IGSF21: variants seen among roughly 807,000 people sequenced by gnomAD.
The protein encoded by IGSF21 is immunoglobin superfamily member 21.
IGSF21 carries 28 observed loss-of-function variants against 46.8 expected under a neutral mutation model. That is an observed-to-expected ratio of 0.60 (90% CI 0.44 to 0.82). The LOEUF (loss-of-function observed/expected upper bound fraction) is 0.82, where lower values mean the gene tolerates loss of function less well. Ranked by LOEUF, IGSF21 falls within the 40% of genes least tolerant of loss-of-function variation. IGSF21 has a pLI of 0.00. For synonymous variants in IGSF21, 284 were observed against 273.6 expected (o/e 1.04, Z -0.38); for missense variants, 624 against 665.5 (o/e 0.94, Z 0.69).
chr1:18,312,308 T>C (rs2085496094), intron 3 of IGSF21, among the ~76,000 whole-genome samples: 1 of 152,196 alleles, frequency 6.6e-6, no homozygotes, highest in Non-Finnish European at 1.5e-5. Flanking sequence ...GTCAGGAGAT[T>C]CACTGAGATA....
chr1:18,154,039 G>A (rs918974901), intron 1 of IGSF21, among the ~76,000 whole-genome samples: 6 of 152,162 alleles, frequency 3.9e-5, no homozygotes, highest in Non-Finnish European at 8.8e-5. Flanking sequence ...GCATCCGTGG[G>A]ATCCACAGAC....
At position 18,292,729 on chromosome 1, in the gene IGSF21, C is replaced by T. The variant is rs543174949; in HGVS notation, c.305+742C>T. Among the ~76,000 whole-genome samples the T allele has an allele frequency of 3.1e-4, 47 of 152,268 alleles. 1 individual carries two copies. The highest frequency in any genetic ancestry group is 1.1e-3 in the African/African-American group (46 of 41,558). On this transcript the variant is annotated intron_variant, in intron 3 of 9. Transcript: ENST00000251296. The stretch of plus-strand genomic sequence containing the variant: ...CTCCCTTCGGTCATCTGGTAAACTC[C>T]TCATCAGCCTTCAGAACCCCACTCC...
chr1:18,311,116 C>T (rs1234304961), intron 3 of IGSF21, among the ~76,000 whole-genome samples: 3 of 152,156 alleles, frequency 2.0e-5, no homozygotes, highest in African/African-American at 4.8e-5. Flanking sequence ...CCTACAACAC[C>T]GCCTAACAGT....
At chr1:18,308,505 A>G (rs978867846) in intron 3 of IGSF21, among the ~76,000 whole-genome samples, 5 of 152,160 alleles carry the variant, frequency 3.3e-5, no homozygotes, top group Non-Finnish European at 5.9e-5. Context: ...AATATCTTAC[A>G]TGGATTCTCT....
chr1:18,166,357 G>A (rs1483474357), intron 1 of IGSF21, among the ~76,000 whole-genome samples: 2 of 152,164 alleles, frequency 1.3e-5, no homozygotes, highest in Non-Finnish European at 1.5e-5. Context: ...TTCAGAGACA[G>A]CTTGATCCAG....
intron 2 of IGSF21, among the ~76,000 whole-genome samples, chr1:18,281,351 G>A (rs1367722452): frequency 1.3e-5 from 2 of 152,002 alleles, no homozygotes; most frequent in Admixed American, 1.3e-4. Flanking sequence ...CCTGAGGTCA[G>A]GAGTTCGAGA....
chr1:18,217,890 G>C (rs902525361), intron 1 of IGSF21, among the ~76,000 whole-genome samples: 1 of 152,200 alleles, frequency 6.6e-6, no homozygotes, highest in Admixed American at 6.5e-5. Context: ...CTATCCGACA[G>C]GGTTGCAATG....
chr1:18,183,429 A>G (rs970455901), intron 1 of IGSF21, among the ~76,000 whole-genome samples: 4 of 152,220 alleles, frequency 2.6e-5, no homozygotes, highest in Non-Finnish European at 5.9e-5. Flanking sequence ...GATAGGATAT[A>G]TGGCAGCTGA....
chr1:18,339,341 G>C (rs114391696), intron 4 of IGSF21, among the ~76,000 whole-genome samples: 1,635 of 152,280 alleles, frequency 0.011, 21 homozygotes, highest in African/African-American at 0.037. Flanking sequence ...TTGACCCAAA[G>C]GCCATGAGTC....
At position 18,271,657 on chromosome 1, in the gene IGSF21, G is replaced by T. The variant is rs188517795; in HGVS notation, c.184-20209G>T. Among the ~76,000 whole-genome samples the T allele has an allele frequency of 1.9e-3, 283 of 152,296 alleles. 1 individual carries two copies. The highest frequency in any genetic ancestry group is 6.4e-3 in the African/African-American group (264 of 41,560). The stretch of plus-strand genomic sequence containing the variant: ...CCCAGGGAGGCAGGAAAGATCAACC[G>T]GGAGCATCAGTGGCTGGTCCTGTCT... On this transcript the variant is annotated intron_variant, in intron 2 of 9. Coordinates refer to ENST00000251296, the MANE Select transcript of IGSF21 (RefSeq NM_032880.5).
intron 2 of IGSF21, among the ~76,000 whole-genome samples, chr1:18,232,389 T>C (rs989976077): frequency 3.3e-5 from 5 of 152,218 alleles, no homozygotes; most frequent in Admixed American, 6.5e-5. Flanking sequence ...TATTTATTAA[T>C]GCTGCTTATA....
intron 2 of IGSF21, among the ~76,000 whole-genome samples, chr1:18,259,138 C>T (rs1385901988): frequency 6.6e-6 from 1 of 152,154 alleles, no homozygotes; most frequent in Non-Finnish European, 1.5e-5. Context: ...GGGCACCTGC[C>T]ACATCCCCTC....
intron 7 of IGSF21, among the ~76,000 whole-genome samples, 173 bp from the exon 8 acceptor site, chr1:18,376,627 C>A (rs555439873): frequency 6.6e-6 from 1 of 152,192 alleles, no homozygotes; most frequent in Non-Finnish European, 1.5e-5. Flanking sequence ...AGCTCTTCAA[C>A]GAGACATTCT....
intron 2 of IGSF21, among the ~76,000 whole-genome samples, 166 bp downstream of exon 2, chr1:18,228,176 G>T (rs3738088): frequency 0.02 from 3,019 of 152,120 alleles, 72 homozygotes; most frequent in East Asian, 0.13. Context: ...CACCCTCCTT[G>T]GGTACTAGCC....
chr1:18,290,886 C>T lies in IGSF21; in HGVS notation c.184-980C>T, dbSNP rs1230404989. Among the ~76,000 whole-genome samples, 1 of 152,060 alleles carries T rather than the reference C, an allele frequency of 6.6e-6. No individual in the cohort carries two copies. Among genetic ancestry groups the T allele is most frequent in the Non-Finnish European group, 1.5e-5 (1 of 68,010 alleles). ...ACACAGAGCCGCAGGGAGCTAATTC[C>T]ACTTCTCTAGGCCCAGGCATGAGGC... On this transcript the variant is annotated intron_variant, in intron 2 of 9. Transcript: ENST00000251296. This position sits in a 1 kb window ranked among gnomAD's most constrained non-coding sequence, Gnocchi z 4.2.
At position 18,147,202 on chromosome 1, in the gene IGSF21, G is replaced by A. The variant is rs141552223; in HGVS notation, c.70+39004G>A. ...ATTAAAATGTAAATCAGATCCAGTC[G>A]CTTCCGGGCTTGAACCCCTCCAAGG... On this transcript the variant is annotated intron_variant, in intron 1 of 9. Coordinates refer to ENST00000251296, the MANE Select transcript of IGSF21 (RefSeq NM_032880.5). Among the ~76,000 whole-genome samples the A allele has an allele frequency of 4.3e-3, 662 of 152,188 alleles. 4 individuals carry two copies. Among genetic ancestry groups the A allele is most frequent in the African/African-American group, 0.014 (573 of 41,512 alleles).
chr1:18,129,067 G>A (rs370081164), intron 1 of IGSF21, among the ~76,000 whole-genome samples: 1 of 152,132 alleles, frequency 6.6e-6, no homozygotes, highest in East Asian at 1.9e-4. Flanking sequence ...GTGGCGGTCC[G>A]TGCATCCGTT....
Position 18,365,789 on chromosome 1 carries a change from T to C in IGSF21, c.1015+92T>C, listed in dbSNP as rs1284050210. ...AGGGTTCCTGGGCTGAGGACAGCCA[T>C]GGAAAGGGGGAGGAGATGGAGCAAA... On this transcript the variant is annotated intron_variant, in intron 6 of 9. Transcript: ENST00000251296. The surrounding 1 kb of genome is among the most constrained non-coding windows in gnomAD (Gnocchi z 4.8). The C allele has an allele frequency of 9.2e-7, 1 of 1,082,624 alleles. No homozygotes were observed. Among genetic ancestry groups the C allele is most frequent in the African/African-American group, 1.6e-5 (1 of 62,572 alleles). The allele number at this position is 1,082,624 out of a possible 1,614,324, so 67.1% of individuals were successfully genotyped here. A position where few individuals can be genotyped will look rare whatever the true frequency, so the allele number is the denominator to read the frequency against.
chr1:18,193,323 T>C (rs1432748704), intron 1 of IGSF21, among the ~76,000 whole-genome samples: 1 of 152,186 alleles, frequency 6.6e-6, no homozygotes, highest in African/African-American at 2.4e-5. Context: ...GAATCTGGAA[T>C]CTAGTCCAAG....
Sources: gnomAD v4.1 joint callset for allele counts (sites outside exome capture counted in the v4.1 genomes callset) on GRCh38, gnomAD v4.1.1 for gene constraint, Gnocchi (gnomAD v3.1) non-coding constraint, MANE v1.5 for transcripts, NCBI Gene and HGNC (gene_info 2026-07-23, HGNC 2026-07-21) for gene names.